Variants in PTGES3 observed in about 807,000 individuals in gnomAD.
The protein encoded by PTGES3 is prostaglandin E synthase 3.
A neutral mutation model predicts 29.9 loss-of-function variants in PTGES3; 5 were observed. The observed-to-expected ratio is 0.17, with a 90% CI of 0.09 to 0.35. The LOEUF is 0.35. Ranked by LOEUF, PTGES3 falls within the 10% of genes least tolerant of loss-of-function variation. The pLI is 1.00. For missense variants in PTGES3, 128 were observed against 190.0 expected (o/e 0.67, Z 1.92); for synonymous variants, 49 against 57.8 (o/e 0.85, Z 0.69).
At chr12:56,686,738 A>T (rs1952881715) in intron 1 of PTGES3, 1 of 396,054 alleles carries the variant, frequency 2.5e-6, no homozygotes, top group Admixed American at 4.4e-5. Context: ...TCCTTCAAAA[A>T]TTCTAACATG....
chr12:56,687,547 GCACC>G (rs1565882501), intron 1 of PTGES3: 1 of 1,009,962 alleles, frequency 9.9e-7, no homozygotes, highest in Non-Finnish European at 1.2e-6. Context: ...GCTCCGCCAG[GCACC>G]TGGCGGCACC....
At chr12:56,681,617 G>A (rs950187141) in intron 1 of PTGES3, among the ~76,000 whole-genome samples, 2 of 148,850 alleles carry the variant, frequency 1.3e-5, no homozygotes, top group Admixed American at 6.8e-5. Context: ...GGGAGGCCAA[G>A]GCGGCAGATC....
At chr12:56,675,381 T>C (rs567785642) in intron 1 of PTGES3, among the ~76,000 whole-genome samples, 2 of 152,050 alleles carry the variant, frequency 1.3e-5, no homozygotes, top group South Asian at 4.2e-4. Flanking sequence ...ATTTAAATTA[T>C]CAAAACCTGT....
intron 1 of PTGES3, among the ~76,000 whole-genome samples, chr12:56,686,422 G>A (rs1309702548): frequency 5.9e-5 from 9 of 152,042 alleles, no homozygotes; most frequent in African/African-American, 2.2e-4. Context: ...TGCCCAGGCT[G>A]GAGTGCAATG....
intron 1 of PTGES3, among the ~76,000 whole-genome samples, chr12:56,682,966 T>C (rs1008094797): frequency 5.3e-5 from 8 of 150,570 alleles, no homozygotes; most frequent in South Asian, 2.1e-4. Flanking sequence ...TGCACTGCAG[T>C]CTGGGCAACA....
At chr12:56,670,145 G>T in intron 5 of PTGES3, 130 bp downstream of exon 5, 1 of 621,108 alleles carries the variant, frequency 1.6e-6, no homozygotes, top group Non-Finnish European at 2.9e-6. Flanking sequence ...TACTATGACT[G>T]CAAAATGGTC....
chr12:56,681,537 CAAA>C (rs34581651), intron 1 of PTGES3, among the ~76,000 whole-genome samples: 2 of 25,686 alleles, frequency 7.8e-5, no homozygotes, highest in Non-Finnish European at 1.2e-4. Flanking sequence ...GACTCCATCT[CAAA>C]AAAAAAAAAA....
chr12:56,674,758 G>A (rs1337932622), intron 1 of PTGES3, among the ~76,000 whole-genome samples: 3 of 143,338 alleles, frequency 2.1e-5, no homozygotes, highest in East Asian at 2.1e-4. Flanking sequence ...CCCAGGAGGC[G>A]GAGCTTGCAG....
intron 6 of PTGES3, chr12:56,665,198 G>A (rs1420541654): frequency 1.0e-6 from 1 of 985,164 alleles, no homozygotes; most frequent in African/African-American, 1.7e-5. Context: ...TAACTTTCTG[G>A]GAGATGTTAA....
At chr12:56,674,112 C>T (rs903970166) in intron 1 of PTGES3, among the ~76,000 whole-genome samples, 9 of 152,128 alleles carry the variant, frequency 5.9e-5, no homozygotes, top group African/African-American at 2.2e-4. Context: ...CATTGAAGTC[C>T]TAACCCCCAG....
At chr12:56,668,413 T>C (rs890913455) in intron 5 of PTGES3, among the ~76,000 whole-genome samples, 1 of 152,074 alleles carries the variant, frequency 6.6e-6, no homozygotes, top group African/African-American at 2.4e-5. Context: ...ACAACAAAGA[T>C]AGCAAAATAA....
chr12:56,665,190 A>C (rs79325448), intron 6 of PTGES3: 1 of 985,202 alleles, frequency 1.0e-6, no homozygotes, highest in East Asian at 1.1e-4. Flanking sequence ...GCATTAAATA[A>C]CTTTCTGGGA....
At chr12:56,673,485 GAAAAAAAA>G (rs1164653881) in intron 1 of PTGES3, among the ~76,000 whole-genome samples, 5 of 62,884 alleles carry the variant, frequency 8.0e-5, no homozygotes, top group South Asian at 5.5e-4. Flanking sequence ...TACAAATACG[GAAAAAAAA>G]AAAAAAAAAA....
intron 1 of PTGES3, among the ~76,000 whole-genome samples, chr12:56,685,769 ACTT>A (rs2137742449): frequency 2.2e-5 from 2 of 90,762 alleles, no homozygotes; most frequent in Admixed American, 1.6e-4. Flanking sequence ...TGCTACACTT[ACTT>A]TTTTTTTTTT....
At chr12:56,683,359 G>T (rs975971162) in intron 1 of PTGES3, among the ~76,000 whole-genome samples, 1 of 151,070 alleles carries the variant, frequency 6.6e-6, no homozygotes, top group Non-Finnish European at 1.5e-5. Context: ...TGTGATCGCA[G>T]CTACCCGGGA....
At chr12:56,673,199 C>G in intron 1 of PTGES3, 134 bp from the exon 2 acceptor site, 1 of 562,322 alleles carries the variant, frequency 1.8e-6, no homozygotes, top group South Asian at 2.7e-5. Flanking sequence ...CATTTTTACC[C>G]TAACAGCTAC....
At chr12:56,685,412 T>C (rs1374681698) in intron 1 of PTGES3, among the ~76,000 whole-genome samples, 3 of 150,486 alleles carry the variant, frequency 2.0e-5, no homozygotes, top group Non-Finnish European at 3.0e-5. Context: ...TTTTTTTTTT[T>C]TTTTTTTTAA....
chr12:56,687,971 C>T, intron 1 of PTGES3, 27 bp downstream of exon 1: 1 of 1,602,098 alleles, frequency 6.2e-7, no homozygotes, highest in Non-Finnish European at 8.5e-7. Context: ...ACTCGGCGAC[C>T]TTCCCTCGGC....
intron 1 of PTGES3, chr12:56,687,637 G>C (rs995146974): frequency 3.4e-6 from 4 of 1,169,476 alleles, no homozygotes; most frequent in Admixed American, 4.6e-5. Flanking sequence ...AAGCAGCCGA[G>C]AGGCGACCCA....
Sources: gnomAD v4.1 joint callset for allele counts (sites outside exome capture counted in the v4.1 genomes callset) on GRCh38, gnomAD v4.1.1 for gene constraint, MANE v1.5 for transcripts, NCBI Gene and HGNC (gene_info 2026-07-23, HGNC 2026-07-21) for gene names.